Variants in ZHX2 observed in about 807,000 individuals in gnomAD.
ZHX2 encodes zinc fingers and homeoboxes 2.
Under a neutral mutation model 21.9 loss-of-function variants are expected in ZHX2, and 6 were observed. That is an observed-to-expected ratio of 0.27 (90% CI 0.15 to 0.54). The LOEUF (loss-of-function observed/expected upper bound fraction) is 0.54, where lower values mean the gene tolerates loss of function less well. Among genes scored for constraint, ZHX2 ranks in the 20% least tolerant of loss-of-function variants. The probability of loss-of-function intolerance (pLI) is 0.95; values close to 1 mark genes in which losing one functional copy is unlikely to be tolerated. For missense variants in ZHX2, 908 were observed against 1,090.7 expected, an observed-to-expected ratio of 0.83 and a Z score of 2.36; for synonymous variants, 434 against 437.1, an observed-to-expected ratio of 0.99 and a Z score of 0.09.
chr8:122,856,603 G>T lies in ZHX2; in HGVS notation c.-282-6874G>T, dbSNP rs147545167. 2.4e-3 allele frequency among the ~76,000 whole-genome samples: 361 copies of T among 152,232 alleles called. 2 individuals carry two copies. Among genetic ancestry groups the T allele is most frequent in the African/African-American group, 7.8e-3 (324 of 41,542 alleles). On this transcript the variant is annotated intron_variant, in intron 1 of 3. Transcript: ENST00000314393. ...AGAAACAGGAGCCGTAATCAAAGGT[G>T]TATTCATCTCTCTCACATCTGCCAG...
intron 2 of ZHX2, among the ~76,000 whole-genome samples, chr8:122,932,813 C>T (rs1821026928): frequency 6.6e-6 from 1 of 152,008 alleles, no homozygotes. Context: ...GAATTAGGAC[C>T]TGGATATCTT....
At chr8:122,951,113 AAAG>A (rs945871672) in intron 2 of ZHX2, among the ~76,000 whole-genome samples, 176 bp from the exon 3 acceptor site, 68 of 152,264 alleles carry the variant, frequency 4.5e-4, no homozygotes, top group African/African-American at 1.6e-3. Flanking sequence ...CCTTCCAAAA[AAAG>A]GAAGAGAAGA....
intron 2 of ZHX2, among the ~76,000 whole-genome samples, chr8:122,896,121 G>T (rs1820094242): frequency 6.6e-6 from 1 of 152,080 alleles, no homozygotes. Flanking sequence ...AGGACTAAAA[G>T]AGGCCAAAGG....
At chr8:122,806,454 G>A (rs772226698) in intron 1 of ZHX2, among the ~76,000 whole-genome samples, 7 of 152,216 alleles carry the variant, frequency 4.6e-5, no homozygotes, top group Non-Finnish European at 8.8e-5. Context: ...ATGCATTACA[G>A]AAAACTCATG....
intron 2 of ZHX2, among the ~76,000 whole-genome samples, chr8:122,902,701 A>G (rs1820259970): frequency 6.6e-6 from 1 of 152,170 alleles, no homozygotes; most frequent in Admixed American, 6.5e-5. Context: ...TATTTACCCC[A>G]TAGGATGATA....
chr8:122,864,820 C>A (rs953594288), intron 2 of ZHX2, among the ~76,000 whole-genome samples: 1 of 152,126 alleles, frequency 6.6e-6, no homozygotes, highest in Non-Finnish European at 1.5e-5. Flanking sequence ...GGGGAAGTTA[C>A]GCAGGAGGGA....
In ZHX2 at chr8:122,952,777, A is replaced by G. The variant is rs146090274; in HGVS notation, c.1267A>G (p.Ile423Val). ...QAAPEPKRPH[I>V]AQVPEPPPKV... ...TGCCCCCGAACCCAAGCGTCCACAC[A>G]TCGCTCAGGTGCCAGAGCCCCCACC... The change falls in exon 3 of 4, where the codon ATC becomes GTC. Residue 423 changes from isoleucine to valine, a missense_variant. Transcript: ENST00000314393. This position sits in a 1 kb window ranked among gnomAD's most constrained non-coding sequence, Gnocchi z 6.9. The G allele has an allele frequency of 7.4e-6, 12 of 1,613,958 alleles. No homozygotes were observed. The African/African-American group carries it at 1.6e-4, about 22-fold the overall frequency.
rs1209058425 is a variant in ZHX2, at chr8:122,782,114, G to C, written c.-283+168G>C. Reference sequence around the variant, plus strand: ...ACTTGGCCGGGTTTGTGATTGGAAGGGGGGTACGGAAGGGGGGGGGTGTGC... The same window carrying C: ...ACTTGGCCGGGTTTGTGATTGGAAGCGGGGTACGGAAGGGGGGGGGTGTGC... On this transcript the variant is annotated intron_variant, in intron 1 of 3. Transcript: ENST00000314393. This position sits in a 1 kb window ranked among gnomAD's most constrained non-coding sequence, Gnocchi z 5.3. 7.4e-6 allele frequency among the ~76,000 whole-genome samples: 1 copy of C among 134,446 alleles called. No individual in the cohort carries two copies. The highest frequency in any genetic ancestry group is 1.7e-5 in the Non-Finnish European group (1 of 60,308). 88.2% of individuals were successfully genotyped at this position (134,446 alleles called of 152,430 possible).
intron 2 of ZHX2, among the ~76,000 whole-genome samples, chr8:122,867,763 G>T (rs1480374702): frequency 6.6e-6 from 1 of 152,130 alleles, no homozygotes; most frequent in Admixed American, 6.5e-5. Context: ...GTGCAAACTC[G>T]CTCACAAAAG....
intron 1 of ZHX2, among the ~76,000 whole-genome samples, chr8:122,849,596 G>C (rs536118612): frequency 2.0e-5 from 3 of 151,996 alleles, no homozygotes; most frequent in Admixed American, 6.6e-5. Context: ...CTGTCTTCAC[G>C]TCACCTTCTC....
At chr8:122,930,556 A>ATTT (rs34534125) in intron 2 of ZHX2, among the ~76,000 whole-genome samples, 5,637 of 145,130 alleles carry the variant, frequency 0.039, 271 homozygotes, top group African/African-American at 0.12. Flanking sequence ...TCCTGAGAGA[A>ATTT]TTTTTTTTTT....
chr8:122,914,972 G>A (rs151221125), intron 2 of ZHX2, among the ~76,000 whole-genome samples: 7 of 152,268 alleles, frequency 4.6e-5, no homozygotes, highest in East Asian at 1.9e-4. Context: ...CATCTGTTAC[G>A]TCTAGTTCCT....
intron 1 of ZHX2, among the ~76,000 whole-genome samples, chr8:122,792,948 C>G (rs1001775997): frequency 6.6e-6 from 1 of 152,206 alleles, no homozygotes; most frequent in African/African-American, 2.4e-5. Flanking sequence ...GTATAGGGCA[C>G]TGTGCTCACT....
chr8:122,917,311 T>A (rs1169762896), intron 2 of ZHX2, among the ~76,000 whole-genome samples: 1 of 147,404 alleles, frequency 6.8e-6, no homozygotes, highest in Non-Finnish European at 1.5e-5. Context: ...GAGTTGGGAG[T>A]CCTGGCCCTG....
intron 2 of ZHX2, among the ~76,000 whole-genome samples, chr8:122,933,388 A>G (rs538579755): frequency 1.4e-5 from 2 of 140,774 alleles, no homozygotes; most frequent in East Asian, 4.1e-4. Context: ...TTATTTATGT[A>G]TGTGACACAT....
chr8:122,913,424 T>C (rs183878511), intron 2 of ZHX2, among the ~76,000 whole-genome samples: 5 of 152,334 alleles, frequency 3.3e-5, no homozygotes, highest in Non-Finnish European at 7.3e-5. Flanking sequence ...GCAGCTTCCA[T>C]GCCCCTAAAA....
At chr8:122,906,666 C>CTT (rs771349214) in intron 2 of ZHX2, among the ~76,000 whole-genome samples, 1,306 of 123,358 alleles carry the variant, frequency 0.011, 28 homozygotes, top group Admixed American at 0.028. Flanking sequence ...ACATAATTTC[C>CTT]TTTTTTTTTT....
At chr8:122,795,084 G>T (rs1393412212) in intron 1 of ZHX2, among the ~76,000 whole-genome samples, 2 of 152,150 alleles carry the variant, frequency 1.3e-5, no homozygotes, top group Admixed American at 1.3e-4. Context: ...CACTTCATAG[G>T]CTCAAAATTA....
At chr8:122,918,904 C>T (rs537758575) in intron 2 of ZHX2, among the ~76,000 whole-genome samples, 63 of 150,688 alleles carry the variant, frequency 4.2e-4, no homozygotes, top group Non-Finnish European at 7.5e-4. Context: ...GCCGAGATCA[C>T]GCCACTACAC....
Sources: gnomAD v4.1 joint callset for allele counts (sites outside exome capture counted in the v4.1 genomes callset) on GRCh38, gnomAD v4.1.1 for gene constraint, Gnocchi (gnomAD v3.1) non-coding constraint, MANE v1.5 for transcripts, NCBI Gene and HGNC (gene_info 2026-07-23, HGNC 2026-07-21) for gene names.